ABCC12: variants seen among roughly 807,000 people sequenced by gnomAD.
ABCC12 encodes the protein ATP binding cassette subfamily C member 12, also known as ATP-binding cassette sub-family C member 12.
A neutral mutation model predicts 151.1 loss-of-function variants in ABCC12; 142 were observed. The observed-to-expected ratio is 0.94, with a 90% CI of 0.82 to 1.08. ABCC12 has a LOEUF of 1.08. Ranked by LOEUF, ABCC12 falls within the 50% of genes least tolerant of loss-of-function variation. The probability of loss-of-function intolerance (pLI) is 0.00; values close to 1 mark genes in which losing one functional copy is unlikely to be tolerated. For synonymous variants in ABCC12, 645 were observed against 646.4 expected, an observed-to-expected ratio of 1.00 and a Z score of 0.03; for missense variants, 1,638 against 1,691.1, an observed-to-expected ratio of 0.97 and a Z score of 0.55.
chr16:48,094,554 C>A (rs1009798097), intron 24 of ABCC12, among the ~76,000 whole-genome samples: 1 of 152,182 alleles, frequency 6.6e-6, no homozygotes, highest in Non-Finnish European at 1.5e-5. Context: ...CTGTCTGGTT[C>A]ACTCACTCCT....
rs960609001 is a variant in ABCC12 at position 48,108,426 on chromosome 16, G to T, written c.2371+14C>A. On this transcript the variant is annotated intron_variant, in intron 19 of 30. Coordinates refer to ENST00000311303, the MANE Select transcript of ABCC12 (RefSeq NM_001393797.1). ...TGCAAATTAAATCAAGAAACTTGTT[G>T]TTTTATACTGAACCTCCAGAAGCCT... 1 of 1,607,968 alleles carries T rather than the reference G, an allele frequency of 6.2e-7. No homozygotes were observed. The highest frequency in any genetic ancestry group is 1.3e-5 in the African/African-American group (1 of 74,892).
intron 5 of ABCC12, 63 bp downstream of exon 5, chr16:48,141,143 C>T: frequency 1.3e-6 from 2 of 1,588,744 alleles, no homozygotes; most frequent in Non-Finnish European, 1.7e-6. Context: ...GAGAAAGTAA[C>T]TAATGACATT....
chr16:48,104,880 TGCGCATCTCTGCG>T (rs1301050590), intron 21 of ABCC12, among the ~76,000 whole-genome samples: 1 of 152,234 alleles, frequency 6.6e-6, no homozygotes, highest in East Asian at 1.9e-4. Flanking sequence ...TTGCTTGGCC[TGCGCATCTCTGCG>T]GCGGAGTGGC....
At chr16:48,096,657 G>A (rs916531292) in intron 24 of ABCC12, 89 bp downstream of exon 24, 23 of 1,371,642 alleles carry the variant, frequency 1.7e-5, no homozygotes, top group Non-Finnish European at 2.2e-5. Flanking sequence ...TCGAGTTGGG[G>A]TTTTTGTTGT....
chr16:48,135,214 G>A (rs1475917418), intron 8 of ABCC12, among the ~76,000 whole-genome samples: 1 of 152,110 alleles, frequency 6.6e-6, no homozygotes, highest in African/African-American at 2.4e-5. Flanking sequence ...TTAAGCATGA[G>A]CCGCCTGATT....
intron 2 of ABCC12, among the ~76,000 whole-genome samples, chr16:48,151,585 T>A (rs1965117937): frequency 6.6e-6 from 1 of 152,210 alleles, no homozygotes. Context: ...TTAGCAAGGG[T>A]AGCTGGATAT....
chr16:48,101,111 A>T, intron 22 of ABCC12, 102 bp from the exon 23 acceptor site: 1 of 1,352,792 alleles, frequency 7.4e-7, no homozygotes, highest in Non-Finnish European at 9.9e-7. Flanking sequence ...ACAGTGCTTA[A>T]GTCAGAGACG....
chr16:48,118,230 C>G (rs1963955204), intron 13 of ABCC12, among the ~76,000 whole-genome samples: 1 of 152,212 alleles, frequency 6.6e-6, no homozygotes, highest in Admixed American at 6.5e-5. Flanking sequence ...CTAGGAACGT[C>G]CGTGGTCACT....
intron 9 of ABCC12, among the ~76,000 whole-genome samples, chr16:48,132,703 C>G (rs1964469406): frequency 6.6e-6 from 1 of 152,154 alleles, no homozygotes; most frequent in Admixed American, 6.5e-5. Context: ...CCCAGTTCTC[C>G]CTCTAAGGCT....
At chr16:48,094,666 C>G (rs1963028763) in intron 24 of ABCC12, among the ~76,000 whole-genome samples, 1 of 152,180 alleles carries the variant, frequency 6.6e-6, no homozygotes, top group Non-Finnish European at 1.5e-5. Flanking sequence ...ATGATTTTCT[C>G]TAAAGAAATT....
At chr16:48,117,565 C>G (rs1487717188) in intron 13 of ABCC12, among the ~76,000 whole-genome samples, 1 of 152,204 alleles carries the variant, frequency 6.6e-6, no homozygotes, top group Non-Finnish European at 1.5e-5. Flanking sequence ...ATGGCCCCTT[C>G]CCTGGCAGGG....
intron 8 of ABCC12, among the ~76,000 whole-genome samples, chr16:48,137,297 C>T (rs1964643666): frequency 6.6e-6 from 1 of 152,174 alleles, no homozygotes; most frequent in African/African-American, 2.4e-5. Context: ...GAAACTTTTC[C>T]ATTTCATTTG....
chr16:48,111,191 A>G (rs908183402), intron 18 of ABCC12, among the ~76,000 whole-genome samples: 4 of 152,126 alleles, frequency 2.6e-5, no homozygotes, highest in African/African-American at 9.7e-5. Context: ...CTACTTCCTC[A>G]TTTTATAGAT....
intron 1 of ABCC12, among the ~76,000 whole-genome samples, chr16:48,154,998 G>C (rs1322811549): frequency 1.3e-5 from 2 of 152,214 alleles, no homozygotes; most frequent in African/African-American, 4.8e-5. Flanking sequence ...GGAGACACTG[G>C]GGAGCTCTCC....
rs1392357505 is a variant in ABCC12, at chr16:48,138,223, C to T, written c.979+5G>A. The T allele has an allele frequency of 1.9e-6, 3 of 1,597,956 alleles. No homozygotes were observed. On this transcript the variant is annotated splice_donor_5th_base_variant and intron_variant, in intron 8 of 30. Transcript: ENST00000311303. The stretch of plus-strand genomic sequence containing the variant: ...TGGTTCTTTAAGCAGCTACTCTTGT[C>T]CTACCTTGGATAGTGTTGGTAAAAG...
intron 2 of ABCC12, among the ~76,000 whole-genome samples, chr16:48,147,501 A>G (rs533896536): frequency 6.6e-6 from 1 of 152,236 alleles, no homozygotes; most frequent in Non-Finnish European, 1.5e-5. Flanking sequence ...AGATAAACCA[A>G]CTCCCATCAA....
chr16:48,125,267 G>A lies in ABCC12; in HGVS notation c.1516-983C>T, dbSNP rs576680739. Among the ~76,000 whole-genome samples, 13 of 152,318 alleles carry A rather than the reference G, an allele frequency of 8.5e-5. No homozygotes were observed. The South Asian group carries it at 2.7e-3, about 32-fold the overall frequency. ...AGGCAAACGGAACTCAACCCTGCAG[G>A]GAAACTGCAGGAAACTCTGGGGAAC... is the stretch of plus-strand genomic sequence containing the variant. On this transcript the variant is annotated intron_variant, in intron 11 of 30. Transcript: ENST00000311303.
chr16:48,097,541 G>C (rs1281030676), intron 23 of ABCC12, among the ~76,000 whole-genome samples: 2 of 152,212 alleles, frequency 1.3e-5, no homozygotes, highest in Non-Finnish European at 2.9e-5. Flanking sequence ...GCTTGGAGAG[G>C]GGGGAAGAAG....
At chr16:48,083,823 C>A (rs768153280) in intron 30 of ABCC12, 22 bp from the exon 31 acceptor site, 1 of 1,614,016 alleles carries the variant, frequency 6.2e-7, no homozygotes, top group African/African-American at 1.3e-5. Flanking sequence ...AGAAGAAGAA[C>A]TGAAATCATC....
Sources: gnomAD v4.1 joint callset for allele counts (sites outside exome capture counted in the v4.1 genomes callset) on GRCh38, gnomAD v4.1.1 for gene constraint, MANE v1.5 for transcripts, NCBI Gene and HGNC (gene_info 2026-07-23, HGNC 2026-07-21) for gene names.